RBFOX1: variants seen among roughly 807,000 people sequenced by gnomAD.
RBFOX1 encodes RNA binding fox-1 homolog 1.
Under a neutral mutation model 57.7 loss-of-function variants are expected in RBFOX1, and 8 were observed. The observed-to-expected ratio is 0.14, with a 90% CI of 0.08 to 0.25. The LOEUF is 0.25. Among genes scored for constraint, RBFOX1 ranks in the 10% least tolerant of loss-of-function variants. The probability of loss-of-function intolerance (pLI) is 1.00; values close to 1 mark genes in which losing one functional copy is unlikely to be tolerated. For missense variants in RBFOX1, 611 were observed against 548.5 expected (o/e 1.11, Z -1.14); for synonymous variants, 326 against 222.4 (o/e 1.47, Z -4.15).
rs572232622 is a variant in RBFOX1 at position 7,159,480 on chromosome 16, C to T, written c.27+107382C>T. Among the ~76,000 whole-genome samples the T allele has an allele frequency of 2.1e-3, 319 of 152,260 alleles. 2 individuals are homozygous for T. The highest frequency in any genetic ancestry group is 0.02 in the Middle Eastern group (6 of 294). On this transcript the variant is annotated intron_variant, in intron 4 of 15. Transcript: ENST00000550418. ...TTCAGAAGGGTCATGAGGGCTGTCA[C>T]TAAGGGGACTAGTGATAGGCTGGAA...
chr16:5,600,739 A>C (rs1422382946), downstream of RBFOX1, among the ~76,000 whole-genome samples: 2 of 152,092 alleles, frequency 1.3e-5, no homozygotes, highest in Admixed American at 6.5e-5. Flanking sequence ...GATCATCTGA[A>C]AGTAGTGTTT....
chr16:7,459,949 G>C (rs536049602), intron 4 of RBFOX1, among the ~76,000 whole-genome samples: 69 of 152,030 alleles, frequency 4.5e-4, no homozygotes, highest in Non-Finnish European at 9.0e-4. Context: ...TTATTGGTTG[G>C]ATACTTTTAG....
chr16:6,348,703 T>C (rs2085783989), intron 2 of RBFOX1, among the ~76,000 whole-genome samples: 1 of 152,022 alleles, frequency 6.6e-6, no homozygotes, highest in Non-Finnish European at 1.5e-5. Flanking sequence ...CACGTTCTTT[T>C]AAACAACCGG....
chr16:6,059,638 T>C (rs2095658687), intron 1 of RBFOX1, among the ~76,000 whole-genome samples: 1 of 152,076 alleles, frequency 6.6e-6, no homozygotes, highest in African/African-American at 2.4e-5. Context: ...ACACTTGAGG[T>C]TATTCAAACT....
At chr16:6,570,202 C>G (rs111719453) in intron 2 of RBFOX1, among the ~76,000 whole-genome samples, 4 of 152,218 alleles carry the variant, frequency 2.6e-5, no homozygotes, top group African/African-American at 9.6e-5. Flanking sequence ...TTTCATTGAC[C>G]ATGGATTTAT....
chr16:7,013,260 C>T (rs1011435087), intron 3 of RBFOX1, among the ~76,000 whole-genome samples: 1 of 152,158 alleles, frequency 6.6e-6, no homozygotes, highest in African/African-American at 2.4e-5. Context: ...TCCCTACTCA[C>T]ATAGGACTGC....
At chr16:7,509,000 G>C (rs374150609) in intron 4 of RBFOX1, among the ~76,000 whole-genome samples, 9 of 152,280 alleles carry the variant, frequency 5.9e-5, no homozygotes, top group Non-Finnish European at 1.2e-4. Context: ...ATTTCACTCT[G>C]GTTGTTGTAG....
chr16:6,953,060 A>T (rs1598251771), intron 3 of RBFOX1, among the ~76,000 whole-genome samples: 1 of 152,164 alleles, frequency 6.6e-6, no homozygotes, highest in Admixed American at 6.5e-5. Context: ...TCTATATTGC[A>T]GGTGGCGAAA....
At chr16:6,396,698 T>C (rs986015496) in intron 2 of RBFOX1, among the ~76,000 whole-genome samples, 1 of 152,164 alleles carries the variant, frequency 6.6e-6, no homozygotes, top group African/African-American at 2.4e-5. Flanking sequence ...CTCATTAATA[T>C]ATTATCCATG....
intron 3 of RBFOX1, among the ~76,000 whole-genome samples, chr16:6,665,845 A>G (rs2098729318): frequency 6.6e-6 from 1 of 152,144 alleles, no homozygotes; most frequent in Admixed American, 6.5e-5. Flanking sequence ...CCCATGTTAC[A>G]GATGAGAAAA....
intron 3 of RBFOX1, among the ~76,000 whole-genome samples, chr16:6,961,858 C>T (rs548995286): frequency 3.9e-4 from 59 of 152,128 alleles, no homozygotes; most frequent in Non-Finnish European, 7.6e-4. Flanking sequence ...CTTTCCTTGC[C>T]ATCCTGGTTT....
intron 3 of RBFOX1, among the ~76,000 whole-genome samples, chr16:6,850,636 TC>T (rs1314226516): frequency 2.6e-5 from 4 of 152,294 alleles, no homozygotes; most frequent in South Asian, 2.1e-4. Flanking sequence ...CTAATGTCAT[TC>T]TTTTGCAATA....
intron 1 of RBFOX1, among the ~76,000 whole-genome samples, chr16:6,312,693 CTT>C (rs1415905436): frequency 4.1e-5 from 6 of 147,552 alleles, no homozygotes; most frequent in Middle Eastern, 3.5e-3. Flanking sequence ...TCCTTCCTTC[CTT>C]CCTTCCTTCC....
intron 2 of RBFOX1, among the ~76,000 whole-genome samples, chr16:6,606,879 A>C (rs1319399898): frequency 6.6e-6 from 1 of 152,142 alleles, no homozygotes; most frequent in Non-Finnish European, 1.5e-5. Flanking sequence ...ACCCAGTAAT[A>C]GGATTGCTGG....
intron 4 of RBFOX1, among the ~76,000 whole-genome samples, chr16:7,251,823 T>A (rs956154344): frequency 1.3e-5 from 2 of 152,206 alleles, no homozygotes; most frequent in Non-Finnish European, 2.9e-5. Context: ...TTCAAAATAC[T>A]GATTTCGTTT....
chr16:5,520,349 T>A (rs1225164951), intron 2 of RBFOX1, among the ~76,000 whole-genome samples: 1 of 152,226 alleles, frequency 6.6e-6, no homozygotes, highest in African/African-American at 2.4e-5. Context: ...AGGAAATTTA[T>A]TCTTTTACCT....
intron 4 of RBFOX1, among the ~76,000 whole-genome samples, chr16:7,460,287 C>G (rs1272515019): frequency 6.7e-6 from 1 of 149,960 alleles, no homozygotes; most frequent in Non-Finnish European, 1.5e-5. Context: ...AGGAAAATCT[C>G]CCTAGCCAGC....
intron 4 of RBFOX1, among the ~76,000 whole-genome samples, chr16:7,240,546 GTTTGTTTGTT>G (rs1423230858): frequency 6.6e-6 from 1 of 151,832 alleles, no homozygotes; most frequent in Non-Finnish European, 1.5e-5. Context: ...TTTTTTGTTT[GTTTGTTTGTT>G]TTTGTTTGTT....
intron 4 of RBFOX1, among the ~76,000 whole-genome samples, chr16:7,101,981 T>C (rs147511712): frequency 1.3e-5 from 2 of 152,284 alleles, no homozygotes; most frequent in Admixed American, 1.3e-4. Context: ...GCTGTATCCA[T>C]CCAGAGACAA....
Sources: gnomAD v4.1 joint callset for allele counts (sites outside exome capture counted in the v4.1 genomes callset) on GRCh38, gnomAD v4.1.1 for gene constraint, MANE v1.5 for transcripts, NCBI Gene and HGNC (gene_info 2026-07-23, HGNC 2026-07-21) for gene names.